Variants in POLD2 observed in about 807,000 individuals in gnomAD.
POLD2 encodes DNA polymerase delta subunit 2.
Under a neutral mutation model 48.8 loss-of-function variants are expected in POLD2, and 31 were observed. That is an observed-to-expected ratio of 0.64 (90% confidence interval 0.48 to 0.86). POLD2 has a LOEUF of 0.86. POLD2 is among the 40% of genes least tolerant of loss of function. POLD2 has a pLI of 0.00. For missense variants in POLD2, 455 were observed against 610.1 expected (o/e 0.75, Z 2.68); for synonymous variants, 233 against 256.3 (o/e 0.91, Z 0.87).
Position 44,114,757 on chromosome 7 carries a change from C to A in POLD2, c.*28G>T. On this transcript the variant is annotated 3_prime_UTR_variant, in exon 11 of 11. Coordinates refer to ENST00000610533, the MANE Select transcript of POLD2 (RefSeq NM_006230.4). The stretch of plus-strand genomic sequence containing the variant: ...AGGGAATGAACAGCCTCCATCTGGG[C>A]CTCTCTGGTCAAAACCACTTTTTTG... 6.3e-7 allele frequency: 1 copy of A among 1,587,948 alleles called. No individual in the cohort carries two copies.
chr7:44,117,583 C>A (rs1379586978), intron 4 of POLD2, 36 bp downstream of exon 4: 1 of 1,582,874 alleles, frequency 6.3e-7, no homozygotes, highest in Non-Finnish European at 8.6e-7. Context: ...GGGCTCTTCA[C>A]CTGCATCACC....
chr7:44,118,246 G>A (rs1211308541), intron 2 of POLD2, 182 bp from the exon 3 acceptor site: 3 of 613,200 alleles, frequency 4.9e-6, no homozygotes, highest in East Asian at 3.0e-5. Flanking sequence ...GTCAGCCACA[G>A]GAGACCAGGG....
intron 2 of POLD2, among the ~76,000 whole-genome samples, chr7:44,120,289 A>G (rs938728086): frequency 7.2e-5 from 11 of 152,232 alleles, no homozygotes; most frequent in Admixed American, 1.3e-4. Flanking sequence ...GACAGCTCCA[A>G]TAACTGGAAG....
At position 44,123,534 on chromosome 7, in the gene POLD2, A is replaced by G. The variant is rs896632211; in HGVS notation, c.-80T>C. The G allele has an allele frequency of 1.1e-5, 17 of 1,487,526 alleles. No homozygotes were observed. The highest frequency in any genetic ancestry group is 1.5e-5 in the Non-Finnish European group (17 of 1,126,782). The allele number at this position is 1,487,526 out of a possible 1,614,324, so 92.1% of individuals were successfully genotyped here. A position where few individuals can be genotyped will look rare whatever the true frequency, so the allele number is the denominator to read the frequency against. On this transcript the variant is annotated 5_prime_UTR_variant, in exon 1 of 11. Transcript: ENST00000610533. The stretch of plus-strand genomic sequence containing the variant: ...ACCGCGCGGCGCGCCGCATCCCGCC[A>G]ATCCCCGCGCGCCTGCCCCGCCCAT...
At chr7:44,117,368 A>T in intron 4 of POLD2, 121 bp from the exon 5 acceptor site, 7 of 766,736 alleles carry the variant, frequency 9.1e-6, no homozygotes, top group Non-Finnish European at 1.5e-5. Flanking sequence ...CTCACCTAGG[A>T]CTCCAGGATG....
intron 2 of POLD2, 186 bp from the exon 3 acceptor site, chr7:44,118,250 A>T: frequency 1.7e-6 from 1 of 602,034 alleles, no homozygotes; most frequent in Admixed American, 3.3e-5. Context: ...GCCACAGGAG[A>T]CCAGGGACTC....
chr7:44,123,418 C>A, intron 1 of POLD2, 93 bp downstream of exon 1: 2 of 1,464,042 alleles, frequency 1.4e-6, no homozygotes, highest in Non-Finnish European at 1.8e-6. Flanking sequence ...TGCGGGACGT[C>A]CGCCAAGACA....
Position 44,122,009 on chromosome 7 carries a change from G to A in POLD2, c.45C>T (p.Ser15=), listed in dbSNP as rs1361891427. 1.9e-6 allele frequency: 3 copies of A among 1,613,574 alleles called. No individual in the cohort carries two copies. The highest frequency in any genetic ancestry group is 2.2e-5 in the East Asian group (1 of 44,904). Residue 15 remains serine (S), a synonymous_variant, in exon 2 of 11, where the codon TCC becomes TCT. Transcript: ENST00000610533. ...AGGTGGCATTGTTGGCTGATGGTGG[G>A]GACAGTAGAGTGTGGGCCCTCTGGG... The part of the protein sequence containing the change: ...QAAQRAHTLL[S]PPSANNATFA...
In POLD2 at chr7:44,116,961, C is replaced by T; in HGVS notation, c.636G>A (p.Leu212=). The T allele has an allele frequency of 6.2e-7, 1 of 1,613,640 alleles. No individual in the cohort carries two copies. The part of the protein sequence containing the change: ...LGLGGGGGES[L]LGTQLLVDVV... ...CATCCACCAGCAGCTGGGTGCCCAGCAGGCTCTCGCCTCCACCGCCACCCA... is the reference window on the plus strand; with the variant it reads ...CATCCACCAGCAGCTGGGTGCCCAGTAGGCTCTCGCCTCCACCGCCACCCA... Residue 212 remains leucine (L), a synonymous_variant, in exon 6 of 11, where the codon CTG becomes CTA. Coordinates refer to ENST00000610533, the MANE Select transcript of POLD2 (RefSeq NM_006230.4). This position sits in a 1 kb window ranked among gnomAD's most constrained non-coding sequence, Gnocchi z 6.1.
chr7:44,115,242 C>T, intron 10 of POLD2, 53 bp downstream of exon 10: 2 of 1,178,682 alleles, frequency 1.7e-6, no homozygotes, highest in Non-Finnish European at 1.3e-6. Flanking sequence ...ACCTTGTCCC[C>T]AGGTGAGAGC....
rs765004720 is a variant in POLD2, at chr7:44,117,100, A to T, written c.581+33T>A. The T allele has an allele frequency of 3.1e-6, 5 of 1,610,434 alleles. No homozygotes were observed. In the East Asian group the frequency reaches 1.1e-4, roughly 36 times the overall value. On this transcript the variant is annotated intron_variant, in intron 5 of 10. Coordinates refer to ENST00000610533, the MANE Select transcript of POLD2 (RefSeq NM_006230.4). ...CAACTCAAAGATTCCACTGACCATG[A>T]GCTGGTTCCAGCTCCCGAGAACTGC...
intron 1 of POLD2, 41 bp from the exon 2 acceptor site, chr7:44,122,150 C>G: frequency 2.7e-6 from 4 of 1,505,312 alleles, no homozygotes; most frequent in Non-Finnish European, 3.6e-6. Flanking sequence ...CCTGTCCATC[C>G]CCCAAAGCAG....
At chr7:44,122,822 C>T (rs1365345192) in intron 1 of POLD2, 20 of 152,274 alleles carry the variant, frequency 1.3e-4, no homozygotes, top group Admixed American at 1.3e-3. Flanking sequence ...TGTGCCCTGC[C>T]CATCTGATTT....
upstream of POLD2, chr7:44,123,632 C>T: frequency 7.2e-7 from 1 of 1,393,878 alleles, no homozygotes. Flanking sequence ...CCCTCCTCGC[C>T]CCGTCCGTCA....
Position 44,117,988 on chromosome 7 carries a change from C to T in POLD2, c.297G>A (p.Lys99=), listed in dbSNP as rs1487561427. ...EKCCVVGTLF[K]AMPLQPSILR... ...GGATGGAGGGCTGCAGCGGCATGGC[C>T]TTGAACAGAGTGCCCACCACACAGC... The change falls in exon 3 of 11, where the codon AAG becomes AAA. Residue 99 remains lysine, a synonymous_variant. Transcript: ENST00000610533. 1 of 1,614,220 alleles carries T rather than the reference C, an allele frequency of 6.2e-7. No homozygotes were observed. The highest frequency in any genetic ancestry group is 8.5e-7 in the Non-Finnish European group (1 of 1,180,030).
In POLD2 at chr7:44,121,908, T is replaced by G; in HGVS notation, c.146A>C (p.Gln49Pro). The stretch of plus-strand genomic sequence containing the variant: ...GCGGGTGGCATAAATGTGGGCATAC[T>G]GCCGGCTAAAGCTGCGCTCTCCTAG... ...FRLGERSFSR[Q>P]YAHIYATRLI... The change falls in exon 2 of 11, where the codon CAG becomes CCG. Residue 49 changes from glutamine to proline, a missense_variant. Physicochemically the swap from Gln to Pro is moderately conservative, Grantham distance 76. Transcript: ENST00000610533. The surrounding 1 kb of genome is among the most constrained non-coding windows in gnomAD (Gnocchi z 4.5). 6.2e-7 allele frequency: 1 copy of G among 1,613,794 alleles called. No individual in the cohort carries two copies. The highest frequency in any genetic ancestry group is 8.5e-7 in the Non-Finnish European group (1 of 1,180,042).
upstream of POLD2, chr7:44,123,635 G>C: frequency 1.4e-5 from 19 of 1,388,288 alleles, no homozygotes; most frequent in Non-Finnish European, 1.8e-5. Context: ...TCCTCGCCCC[G>C]TCCGTCACCA....
intron 9 of POLD2, 167 bp downstream of exon 9, chr7:44,115,599 A>T: frequency 1.2e-6 from 1 of 830,416 alleles, no homozygotes; most frequent in Non-Finnish European, 1.9e-6. Flanking sequence ...CCTTAGAATT[A>T]AGATTCCAGA....
chr7:44,117,139 G>A lies in POLD2; in HGVS notation c.575C>T (p.Thr192Ile), dbSNP rs748328242. 9 of 1,613,460 alleles carry A rather than the reference G, an allele frequency of 5.6e-6. No individual in the cohort carries two copies. The South Asian group carries it at 9.9e-5, about 18-fold the overall frequency. ...CCCGAGAACTGCTGCTCACCTATCT[G>A]TGTCAAGTGGGGGTGCGGGCTTCTG... is the stretch of plus-strand genomic sequence containing the variant. ...APQKPAPPLD[T>I]DRFVLLVSGL... The change falls in exon 5 of 11, where the codon ACA becomes ATA. Residue 192 changes from threonine (T) to isoleucine (I), a missense_variant. This residue lies in a region of POLD2 where 349 missense variants were observed against 437.4 expected (regional missense o/e 0.80). Coordinates refer to ENST00000610533, the MANE Select transcript of POLD2 (RefSeq NM_006230.4).
Sources: allele counts gnomAD v4.1 joint callset (sites outside exome capture counted in the v4.1 genomes callset), GRCh38; gene constraint gnomAD v4.1.1; regional missense constraint gnomAD v4.1.1; non-coding constraint Gnocchi (gnomAD v3.1); transcripts MANE v1.5; gene names NCBI Gene and HGNC (gene_info 2026-07-23, HGNC 2026-07-21).